Variants in TSPYL1 observed in about 807,000 individuals in gnomAD.
TSPYL1 encodes the protein TSPY like 1.
A neutral mutation model predicts 20.1 loss-of-function variants in TSPYL1; 16 were observed. That is an observed-to-expected ratio of 0.80 (90% confidence interval 0.54 to 1.21). The LOEUF (loss-of-function observed/expected upper bound fraction) is 1.21. Ranked by LOEUF, TSPYL1 falls within the 50% of genes most tolerant of loss-of-function variation. TSPYL1 has a pLI of 0.00. For synonymous variants in TSPYL1, 259 were observed against 227.1 expected, an observed-to-expected ratio of 1.14 and a Z score of -1.26; for missense variants, 560 against 569.3, an observed-to-expected ratio of 0.98 and a Z score of 0.17.
At position 116,279,828 on chromosome 6, in the gene TSPYL1, CATG is replaced by C; in HGVS notation, c.-1_2del. Reference sequence around the variant, plus strand: ...TCCTCTTGACCCCATCCAGGCCGCTCATGTTGCTAACAGTCGGACCAACCGCAG... The same window carrying C: ...TCCTCTTGACCCCATCCAGGCCGCTCTTGCTAACAGTCGGACCAACCGCAG... On this transcript the variant is annotated start_lost and 5_prime_UTR_variant, in exon 1 of 1. Transcript: ENST00000368608. 6.2e-7 allele frequency: 1 copy of C among 1,613,048 alleles called. No homozygotes were observed. Among genetic ancestry groups the C allele is most frequent in the Non-Finnish European group, 8.5e-7 (1 of 1,180,032 alleles).
rs888470546 is a variant in TSPYL1 at position 116,278,508 on chromosome 6, G to A, written c.*9C>T. ...AGACCTTGTGCAGGAGTATTCCCAA[G>A]GGCAAATGTTAACCAGACTGGAACC... On this transcript the variant is annotated 3_prime_UTR_variant, in exon 1 of 1. Coordinates refer to ENST00000368608, the MANE Select transcript of TSPYL1 (RefSeq NM_003309.4). 2 of 1,613,886 alleles carry A rather than the reference G, an allele frequency of 1.2e-6. No individual in the cohort carries two copies. Among genetic ancestry groups the A allele is most frequent in the Non-Finnish European group, 1.7e-6 (2 of 1,180,034 alleles).
Position 116,279,834 on chromosome 6 carries a change from G to A in TSPYL1, c.-4C>T, listed in dbSNP as rs2114637454. ...TGACCCCATCCAGGCCGCTCATGTT[G>A]CTAACAGTCGGACCAACCGCAGGCG... is the stretch of plus-strand genomic sequence containing the variant. On this transcript the variant is annotated 5_prime_UTR_variant, in exon 1 of 1. Transcript: ENST00000368608. 6.2e-7 allele frequency: 1 copy of A among 1,613,062 alleles called. No individual in the cohort carries two copies. The highest frequency in any genetic ancestry group is 1.7e-5 in the Admixed American group (1 of 60,018).
At position 116,279,776 on chromosome 6, in the gene TSPYL1, T is replaced by C. The variant is rs1377815629; in HGVS notation, c.55A>G (p.Ile19Val). 1 of 1,612,612 alleles carries C rather than the reference T, an allele frequency of 6.2e-7. No homozygotes were observed. Among genetic ancestry groups the C allele is most frequent in the Non-Finnish European group, 8.5e-7 (1 of 1,180,042 alleles). Residue 19 changes from isoleucine to valine, a missense_variant, in exon 1 of 1, where the codon ATT becomes GTT. Coordinates refer to ENST00000368608, the MANE Select transcript of TSPYL1 (RefSeq NM_003309.4). Reference sequence around the variant, plus strand: ...TCGCTCGGGACTTGGTCAGAAATAATGATGCTGTGGGTTTGGAGGGGAGTG... The same window carrying C: ...TCGCTCGGGACTTGGTCAGAAATAACGATGCTGTGGGTTTGGAGGGGAGTG... ...RTTPLQTHSI[I>V]ISDQVPSDQD...
Position 116,277,908 on chromosome 6 carries a change from CAAAAAAAA to C in TSPYL1, c.*601_*608del, listed in dbSNP as rs57691187. On this transcript the variant is annotated 3_prime_UTR_variant, in exon 1 of 1. Coordinates refer to ENST00000368608, the MANE Select transcript of TSPYL1 (RefSeq NM_003309.4). ...CAGAGCAAGACTCCGTCCTCCGTCT[CAAAAAAAA>C]AAAAAAAAAAAAAAAAAAGGAAAAC... 53 of 57,356 alleles carry C rather than the reference CAAAAAAAA, an allele frequency of 9.2e-4. 1 individual carries two copies. Among genetic ancestry groups the C allele is most frequent in the Admixed American group, 3.1e-3 (16 of 5,116 alleles). 3.6% of individuals were successfully genotyped at this position (57,356 alleles called of 1,614,324 possible).
In TSPYL1 at chr6:116,279,849, A is replaced by T. The variant is rs1288485769; in HGVS notation, c.-19T>A. ...CGCTCATGTTGCTAACAGTCGGACC[A>T]ACCGCAGGCGAACGCCCGTTTTCCT... On this transcript the variant is annotated 5_prime_UTR_variant, in exon 1 of 1. Coordinates refer to ENST00000368608, the MANE Select transcript of TSPYL1 (RefSeq NM_003309.4). The T allele has an allele frequency of 6.2e-7, 1 of 1,613,068 alleles. No homozygotes were observed. Among genetic ancestry groups the T allele is most frequent in the Non-Finnish European group, 8.5e-7 (1 of 1,180,026 alleles).
Position 116,279,594 on chromosome 6 carries a change from AC to A in TSPYL1, c.236del (p.Gly79ValfsTer36), listed in dbSNP as rs776649638. The A allele has an allele frequency of 6.2e-7, 1 of 1,601,890 alleles. No homozygotes were observed. The highest frequency in any genetic ancestry group is 8.5e-7 in the Non-Finnish European group (1 of 1,179,798). ...GVPQDAAGRG[G>X]TPQIRVVGGR... ...CCCCAACAACTCGGATCTGGGGAGT[AC>A]CGCCACGGCCCGCGGCATCCTGGGG... is the stretch of plus-strand genomic sequence containing the variant. On this transcript the variant is annotated frameshift_variant, in exon 1 of 1. Transcript: ENST00000368608. LOFTEE classifies it low-confidence loss of function (END_TRUNC).
rs1773053461 is a variant in TSPYL1, at chr6:116,274,882, T to A, written c.*3635A>T. Among the ~76,000 whole-genome samples, 1 of 152,236 alleles carries A rather than the reference T, an allele frequency of 6.6e-6. No individual in the cohort carries two copies. Among genetic ancestry groups the A allele is most frequent in the African/African-American group, 2.4e-5 (1 of 41,462 alleles). On this transcript the variant is annotated 3_prime_UTR_variant, in exon 1 of 1. Coordinates refer to ENST00000368608, the MANE Select transcript of TSPYL1 (RefSeq NM_003309.4). Reference sequence around the variant, plus strand: ...AGAAAGTATTAACATGTTTAATTTTTACAGATATTTTATATGCTTTCAGAT... The same window carrying A: ...AGAAAGTATTAACATGTTTAATTTTAACAGATATTTTATATGCTTTCAGAT...
rs748090346 is a variant in TSPYL1, at chr6:116,278,784, C to G, written c.1047G>C (p.Val349=). The change falls in exon 1 of 1, where the codon GTG becomes GTC. Residue 349 remains valine (V), a synonymous_variant. Transcript: ENST00000368608. ...EYEVRSSGRV[V]SLSTPIIWRR... The stretch of plus-strand genomic sequence containing the variant: ...GCCATATAATTGGAGTAGAAAGAGA[C>G]ACCACTCGGCCGGAGGATCTTACCT... 3 of 1,614,144 alleles carry G rather than the reference C, an allele frequency of 1.9e-6. No homozygotes were observed. The South Asian group carries it at 3.3e-5, about 18-fold the overall frequency.
Position 116,275,550 on chromosome 6 carries a change from C to T in TSPYL1, c.*2967G>A, listed in dbSNP as rs990722136. 2.6e-5 allele frequency among the ~76,000 whole-genome samples: 4 copies of T among 152,172 alleles called. No homozygotes were observed. Among genetic ancestry groups the T allele is most frequent in the Admixed American group, 1.3e-4 (2 of 15,276 alleles). On this transcript the variant is annotated 3_prime_UTR_variant, in exon 1 of 1. Coordinates refer to ENST00000368608, the MANE Select transcript of TSPYL1 (RefSeq NM_003309.4). ...GTGCGGTGGCTCACGCCTGTAATCC[C>T]AGCACTTTGGGAGGCTGAGGTGGGC...
In TSPYL1 at chr6:116,279,226, A is replaced by G; in HGVS notation, c.605T>C (p.Ile202Thr). 1 of 1,609,196 alleles carries G rather than the reference A, an allele frequency of 6.2e-7. No individual in the cohort carries two copies. The highest frequency in any genetic ancestry group is 8.5e-7 in the Non-Finnish European group (1 of 1,179,608). Reference protein sequence around the residue: ...VEEQPPEGEEIEVAEEDRLEE... With the variant: ...VEEQPPEGEETEVAEEDRLEE... Reference sequence around the variant, plus strand: ...CAATCTATCCTCCTCCGCCACTTCTATTTCTTCACCTTCTGGCGGCTGCTC... The same window carrying G: ...CAATCTATCCTCCTCCGCCACTTCTGTTTCTTCACCTTCTGGCGGCTGCTC... Residue 202 changes from isoleucine to threonine, a missense_variant, in exon 1 of 1, where the codon ATA becomes ACA. Coordinates refer to ENST00000368608, the MANE Select transcript of TSPYL1 (RefSeq NM_003309.4).
rs1333902721 is a variant in TSPYL1, at chr6:116,276,592, T to G, written c.*1925A>C. On this transcript the variant is annotated 3_prime_UTR_variant, in exon 1 of 1. Transcript: ENST00000368608. ...AAGGACTTTAATGATTTTAATCCAT[T>G]AAGAACTTTAATGATTTTAATCCAT... is the stretch of plus-strand genomic sequence containing the variant. 1 of 152,072 alleles carries G rather than the reference T, an allele frequency of 6.6e-6. No homozygotes were observed. The highest frequency in any genetic ancestry group is 1.5e-5 in the Non-Finnish European group (1 of 68,016). The allele number at this position is 152,072 out of a possible 1,614,324, so 9.4% of individuals were successfully genotyped here.
chr6:116,279,511 C>A lies in TSPYL1; in HGVS notation c.320G>T (p.Gly107Val), dbSNP rs753311261. 5.6e-6 allele frequency: 9 copies of A among 1,609,622 alleles called. No individual in the cohort carries two copies. Among genetic ancestry groups the A allele is most frequent in the Non-Finnish European group, 7.6e-6 (9 of 1,180,004 alleles). ...GQEEGQPPAE[G>V]LAAASVVMAA... Reference sequence around the variant, plus strand: ...CATCACCACAGAAGCGGCTGCCAGGCCTTCGGCGGGAGGCTGGCCCTCTTC... The same window carrying A: ...CATCACCACAGAAGCGGCTGCCAGGACTTCGGCGGGAGGCTGGCCCTCTTC... Residue 107 changes from glycine to valine, a missense_variant, in exon 1 of 1, where the codon GGC (glycine) becomes GTC (valine). Physicochemically the swap from Gly to Val is moderately radical, Grantham distance 109. Coordinates refer to ENST00000368608, the MANE Select transcript of TSPYL1 (RefSeq NM_003309.4).
chr6:116,278,139 G>A lies in TSPYL1; in HGVS notation c.*378C>T, dbSNP rs539893688. 12 of 309,324 alleles carry A rather than the reference G, an allele frequency of 3.9e-5. No homozygotes were observed. Among genetic ancestry groups the A allele is most frequent in the Non-Finnish European group, 6.4e-6 (1 of 157,256 alleles). The allele number at this position is 309,324 out of a possible 1,614,324, so 19.2% of individuals were successfully genotyped here. ...TACTGCTCAATGCAGAGCTGAGTAG[G>A]TGGAACAGGCTCCCAAAGCTAGAAA... is the stretch of plus-strand genomic sequence containing the variant. On this transcript the variant is annotated 3_prime_UTR_variant, in exon 1 of 1. Coordinates refer to ENST00000368608, the MANE Select transcript of TSPYL1 (RefSeq NM_003309.4).
At position 116,278,825 on chromosome 6, in the gene TSPYL1, T is replaced by A. The variant is rs1209444294; in HGVS notation, c.1006A>T (p.Ile336Phe). 6.2e-7 allele frequency: 1 copy of A among 1,614,082 alleles called. No individual in the cohort carries two copies. Among genetic ancestry groups the A allele is most frequent in the African/African-American group, 1.3e-5 (1 of 74,986 alleles). ...RRNPYFRNKL[I>F]VKEYEVRSSG... The stretch of plus-strand genomic sequence containing the variant: ...GATCTTACCTCATATTCCTTGACAA[T>A]CAGCTTGTTTCTGAAGTAGGGGTTT... Residue 336 changes from isoleucine to phenylalanine, a missense_variant, in exon 1 of 1, where the codon ATT becomes TTT. By Grantham distance (21) the Ile-to-Phe change is conservative (BLOSUM62 0). Transcript: ENST00000368608.
Position 116,279,723 on chromosome 6 carries a change from G to A in TSPYL1, c.108C>T (p.Leu36=). ...SDQDAHQYLR[L]RDQSEATQVM... Reference sequence around the variant, plus strand: ...CCTGTGTCGCCTCGCTTTGGTCGCGGAGCCTCAGGTACTGGTGTGCGTCCT... The same window carrying A: ...CCTGTGTCGCCTCGCTTTGGTCGCGAAGCCTCAGGTACTGGTGTGCGTCCT... Residue 36 remains leucine (L), a synonymous_variant, in exon 1 of 1, where the codon CTC becomes CTT. Transcript: ENST00000368608. The A allele has an allele frequency of 6.2e-7, 1 of 1,611,522 alleles. No individual in the cohort carries two copies. Among genetic ancestry groups the A allele is most frequent in the Non-Finnish European group, 8.5e-7 (1 of 1,180,036 alleles).
In TSPYL1 at chr6:116,279,390, C is replaced by T. The variant is rs988977244; in HGVS notation, c.441G>A (p.Gly147=). ...AQRSASELTA[G]AEAEAEEVKT... Reference sequence around the variant, plus strand: ...TCACCTCCTCCGCCTCAGCCTCCGCCCCCGCCGTCAGCTCAGACGCGGATC... The same window carrying T: ...TCACCTCCTCCGCCTCAGCCTCCGCTCCCGCCGTCAGCTCAGACGCGGATC... Residue 147 remains glycine (G), a synonymous_variant, in exon 1 of 1, where the codon GGG becomes GGA. Transcript: ENST00000368608. The T allele has an allele frequency of 8.7e-6, 14 of 1,613,012 alleles. No homozygotes were observed. Among genetic ancestry groups the T allele is most frequent in the Non-Finnish European group, 1.1e-5 (13 of 1,180,030 alleles).
At position 116,274,887 on chromosome 6, in the gene TSPYL1, A is replaced by G. The variant is rs960705552; in HGVS notation, c.*3630T>C. Among the ~76,000 whole-genome samples the G allele has an allele frequency of 1.3e-5, 2 of 152,212 alleles. No individual in the cohort carries two copies. Among genetic ancestry groups the G allele is most frequent in the East Asian group, 1.9e-4 (1 of 5,198 alleles). ...GTATTAACATGTTTAATTTTTACAG[A>G]TATTTTATATGCTTTCAGATATTCC... On this transcript the variant is annotated 3_prime_UTR_variant, in exon 1 of 1. Coordinates refer to ENST00000368608, the MANE Select transcript of TSPYL1 (RefSeq NM_003309.4).
Position 116,279,368 on chromosome 6 carries a change from C to T in TSPYL1, c.463G>A (p.Val155Met), listed in dbSNP as rs202091780. The T allele has an allele frequency of 2.5e-6, 4 of 1,612,224 alleles. No homozygotes were observed. Among genetic ancestry groups the T allele is most frequent in the Admixed American group, 3.3e-5 (2 of 60,030 alleles). The change falls in exon 1 of 1, where the codon GTG becomes ATG. Residue 155 changes from valine (V) to methionine (M), a missense_variant. Coordinates refer to ENST00000368608, the MANE Select transcript of TSPYL1 (RefSeq NM_003309.4). The part of the protein sequence containing the change: ...TAGAEAEAEE[V>M]KTGKCATVSA... ...ACGGTGGCGCACTTTCCTGTCTTCA[C>T]CTCCTCCGCCTCAGCCTCCGCCCCC...
rs1773211950 is a variant in TSPYL1, at chr6:116,277,639, C to G, written c.*878G>C. 1 of 151,134 alleles carries G rather than the reference C, an allele frequency of 6.6e-6. No homozygotes were observed. Among genetic ancestry groups the G allele is most frequent in the African/African-American group, 2.5e-5 (1 of 40,432 alleles). The allele number at this position is 151,134 out of a possible 1,614,324, so 9.4% of individuals were successfully genotyped here. On this transcript the variant is annotated 3_prime_UTR_variant, in exon 1 of 1. Coordinates refer to ENST00000368608, the MANE Select transcript of TSPYL1 (RefSeq NM_003309.4). ...CCTTGCTTTTACAAATGTTTCTGAGCTATCACTTTTTTAAGAGAGGATTGG... is the reference window on the plus strand; with the variant it reads ...CCTTGCTTTTACAAATGTTTCTGAGGTATCACTTTTTTAAGAGAGGATTGG...
Sources: gnomAD v4.1 joint callset for allele counts (sites outside exome capture counted in the v4.1 genomes callset) on GRCh38, gnomAD v4.1.1 for gene constraint, MANE v1.5 for transcripts, NCBI Gene and HGNC (gene_info 2026-07-23, HGNC 2026-07-21) for gene names.